The following SDK1 variants were observed in gnomAD, a reference collection of about 807,000 sequenced individuals.
The protein encoded by SDK1 is sidekick cell adhesion molecule 1.
Under a neutral mutation model 245.5 loss-of-function variants are expected in SDK1, and 157 were observed. The ratio of observed to expected loss-of-function variants is 0.64; its 90% CI spans 0.56 to 0.73. SDK1 has a LOEUF of 0.73. SDK1 is among the 30% of genes least tolerant of loss of function. SDK1 has a pLI of 0.00. For synonymous variants in SDK1, 1,647 were observed against 1,278.5 expected (o/e 1.29, Z -6.15); for missense variants, 3,583 against 3,002.3 (o/e 1.19, Z -4.52).
intron 5 of SDK1, among the ~76,000 whole-genome samples, chr7:3,933,924 G>A (rs771719885): frequency 3.3e-5 from 5 of 152,186 alleles, no homozygotes; most frequent in Non-Finnish European, 7.3e-5. Context: ...GCTTGGTTCT[G>A]TGTGTTTTTC....
At chr7:3,692,703 A>T (rs1454371546) in intron 4 of SDK1, among the ~76,000 whole-genome samples, 1 of 152,036 alleles carries the variant, frequency 6.6e-6, no homozygotes, top group African/African-American at 2.4e-5. Context: ...GAGGTGATTC[A>T]TATATTTTAT....
chr7:3,366,030 A>G (rs79897124), intron 1 of SDK1, among the ~76,000 whole-genome samples: 197 of 128,798 alleles, frequency 1.5e-3, no homozygotes, highest in African/African-American at 5.2e-3. Context: ...CAAGAATGAA[A>G]TTCTGTCTCA....
intron 4 of SDK1, among the ~76,000 whole-genome samples, chr7:3,736,429 A>G (rs777265822): frequency 6.6e-6 from 1 of 152,072 alleles, no homozygotes; most frequent in African/African-American, 2.4e-5. Context: ...AGTAGCTGCC[A>G]TGCCCAGCTA....
At chr7:3,696,387 C>T (rs1370353042) in intron 4 of SDK1, among the ~76,000 whole-genome samples, 1 of 152,102 alleles carries the variant, frequency 6.6e-6, no homozygotes, top group Non-Finnish European at 1.5e-5. Flanking sequence ...ATGTGGAGAG[C>T]AGTGGCAAGG....
chr7:3,620,246 C>T, intron 2 of SDK1, among the ~76,000 whole-genome samples: 1 of 151,690 alleles, frequency 6.6e-6, no homozygotes, highest in Non-Finnish European at 1.5e-5. Flanking sequence ...TGTCAGTTGT[C>T]TGTGTGTTTG....
intron 1 of SDK1, among the ~76,000 whole-genome samples, chr7:3,332,344 G>A (rs762566713): frequency 1.3e-5 from 2 of 152,072 alleles, no homozygotes; most frequent in Non-Finnish European, 2.9e-5. Flanking sequence ...TGTCAGTGCC[G>A]TCAGTTGTTC....
In SDK1 at chr7:4,241,940, C is replaced by T. The variant is rs761108247; in HGVS notation, c.6251+27C>T. 38 of 1,608,548 alleles carry T rather than the reference C, an allele frequency of 2.4e-5. No homozygotes were observed. The Admixed American group carries it at 6.3e-4, about 27-fold the overall frequency. On this transcript the variant is annotated intron_variant, in intron 43 of 44. Coordinates refer to ENST00000404826, the MANE Select transcript of SDK1 (RefSeq NM_152744.4). Reference sequence around the variant, plus strand: ...TAGGCAGGCAGTGCTGTGCTGCGCCCACCTGGGGATCTGAGCTGCCAGGGC... The same window carrying T: ...TAGGCAGGCAGTGCTGTGCTGCGCCTACCTGGGGATCTGAGCTGCCAGGGC...
intron 1 of SDK1, among the ~76,000 whole-genome samples, chr7:3,559,643 G>C (rs1779688782): frequency 6.6e-6 from 1 of 151,172 alleles, no homozygotes; most frequent in African/African-American, 2.4e-5. Context: ...TAACAGTAGT[G>C]TTGACACAAC....
chr7:3,586,789 G>A (rs897972148), intron 1 of SDK1, among the ~76,000 whole-genome samples: 4 of 152,098 alleles, frequency 2.6e-5, no homozygotes, highest in African/African-American at 7.2e-5. Context: ...TGTCATCTGG[G>A]TATCATGTGG....
At chr7:3,855,142 A>G (rs1479270552) in intron 5 of SDK1, among the ~76,000 whole-genome samples, 2 of 152,132 alleles carry the variant, frequency 1.3e-5, no homozygotes, top group African/African-American at 4.8e-5. Context: ...TCACTCCCAG[A>G]AGATGATCTA....
In SDK1 at chr7:3,790,324, A is replaced by G. The variant is rs115999811; in HGVS notation, c.714-31126A>G. On this transcript the variant is annotated intron_variant, in intron 4 of 44. Coordinates refer to ENST00000404826, the MANE Select transcript of SDK1 (RefSeq NM_152744.4). Reference sequence around the variant, plus strand: ...TCAACAGAGGGATTTAACACATGGTAAAGCCCCTCTCCCTTTTCCCGCCCT... The same window carrying G: ...TCAACAGAGGGATTTAACACATGGTGAAGCCCCTCTCCCTTTTCCCGCCCT... 5.7e-3 allele frequency among the ~76,000 whole-genome samples: 861 copies of G among 152,298 alleles called. 9 individuals carry two copies. Among genetic ancestry groups the G allele is most frequent in the African/African-American group, 0.02 (827 of 41,554 alleles).
chr7:3,752,025 C>T (rs964851680), intron 4 of SDK1, among the ~76,000 whole-genome samples: 1 of 152,188 alleles, frequency 6.6e-6, no homozygotes, highest in African/African-American at 2.4e-5. Flanking sequence ...GAAAAGTACT[C>T]CTTTGGCCTT....
chr7:3,320,085 C>G (rs191065145), intron 1 of SDK1, among the ~76,000 whole-genome samples: 1 of 151,814 alleles, frequency 6.6e-6, no homozygotes, highest in Non-Finnish European at 1.5e-5. Context: ...AATTTATTCC[C>G]CCTTTCCTCA....
chr7:3,385,384 T>A (rs1185947334), intron 1 of SDK1, among the ~76,000 whole-genome samples: 1 of 152,132 alleles, frequency 6.6e-6, no homozygotes, highest in Non-Finnish European at 1.5e-5. Context: ...GGAAGAAAAT[T>A]CCCATTTTTT....
chr7:3,972,047 A>T (rs903909198), intron 12 of SDK1, among the ~76,000 whole-genome samples: 1 of 150,292 alleles, frequency 6.7e-6, no homozygotes, highest in South Asian at 2.1e-4. Flanking sequence ...AGGAAGGTGC[A>T]TGCCAAGAGG....
At chr7:3,564,641 AT>A in intron 1 of SDK1, among the ~76,000 whole-genome samples, 1 of 152,298 alleles carries the variant, frequency 6.6e-6, no homozygotes, top group South Asian at 2.1e-4. Context: ...TCAGAAAAAA[AT>A]ATAAAATGTA....
intron 1 of SDK1, chr7:3,338,739 A>G (rs1273290671): frequency 1.7e-5 from 3 of 175,490 alleles, no homozygotes; most frequent in African/African-American, 2.4e-5. Context: ...TGTTTTTCCT[A>G]TTTTGCTTGT....
chr7:4,051,558 AAAT>A, intron 18 of SDK1, 77 bp from the exon 19 acceptor site: 1 of 1,252,484 alleles, frequency 8.0e-7, no homozygotes, highest in Non-Finnish European at 1.1e-6. Flanking sequence ...TTAAAAGACA[AAAT>A]AAAATTCTGC....
At chr7:3,891,139 G>C (rs1343816178) in intron 5 of SDK1, among the ~76,000 whole-genome samples, 1 of 152,164 alleles carries the variant, frequency 6.6e-6, no homozygotes, top group Non-Finnish European at 1.5e-5. Context: ...GATAAGCCCA[G>C]TGGTACTTCC....
Sources: allele counts gnomAD v4.1 joint callset (sites outside exome capture counted in the v4.1 genomes callset), GRCh38; gene constraint gnomAD v4.1.1; transcripts MANE v1.5; gene names NCBI Gene and HGNC (gene_info 2026-07-23, HGNC 2026-07-21).